CFAP46: variants seen among roughly 807,000 people sequenced by gnomAD.
CFAP46 encodes cilia and flagella associated protein 46.
In CFAP46, 245 loss-of-function variants were observed where a neutral mutation model predicts 325.7. The ratio of observed to expected loss-of-function variants is 0.75; its 90% CI spans 0.68 to 0.84. The LOEUF (loss-of-function observed/expected upper bound fraction) is 0.84, where lower values mean the gene tolerates loss of function less well. Among genes scored for constraint, CFAP46 ranks in the 40% least tolerant of loss-of-function variants. CFAP46 has a pLI of 0.00. For synonymous variants in CFAP46, 1,523 were observed against 1,495.9 expected (o/e 1.02, Z -0.42); for missense variants, 3,346 against 3,543.0 (o/e 0.94, Z 1.41).
intron 44 of CFAP46, among the ~76,000 whole-genome samples, chr10:132,839,209 G>A (rs181985532): frequency 2.0e-5 from 3 of 149,648 alleles, no homozygotes; most frequent in Admixed American, 1.3e-4. Flanking sequence ...TTTCAGCGCA[G>A]TCTGATTTGT....
chr10:132,842,506 T>C (rs1181792797), intron 44 of CFAP46, among the ~76,000 whole-genome samples: 1 of 152,194 alleles, frequency 6.6e-6, no homozygotes, highest in Non-Finnish European at 1.5e-5. Context: ...ACAGACATAC[T>C]GGGTTTTTAA....
chr10:132,929,616 G>C (rs201852019), intron 9 of CFAP46, 89 bp downstream of exon 9: 2 of 1,268,940 alleles, frequency 1.6e-6, no homozygotes, highest in African/African-American at 1.5e-5. Context: ...CCGTGGCCTG[G>C]TGAACTGCTC....
chr10:132,867,557 T>C, intron 33 of CFAP46, 50 bp from the exon 34 acceptor site: 1 of 1,538,630 alleles, frequency 6.5e-7, no homozygotes. Context: ...GCCACGAAAA[T>C]GTCCCTTCAC....
intron 8 of CFAP46, 97 bp from the exon 9 acceptor site, chr10:132,929,901 GAAATAAA>G (rs1849867228): frequency 8.5e-6 from 7 of 821,584 alleles, no homozygotes; most frequent in Non-Finnish European, 1.4e-5. Context: ...GCAGAAGCAG[GAAATAAA>G]GGTAGGATAA....
chr10:132,894,404 A>T (rs144383032), intron 24 of CFAP46, among the ~76,000 whole-genome samples: 50 of 152,304 alleles, frequency 3.3e-4, no homozygotes, highest in African/African-American at 1.1e-3. Flanking sequence ...TTAAAGAAGG[A>T]TCTCAACTCA....
chr10:132,888,366 CTG>C (rs1564791158), intron 25 of CFAP46, among the ~76,000 whole-genome samples: 2 of 116,778 alleles, frequency 1.7e-5, no homozygotes, highest in African/African-American at 3.4e-5. Context: ...CCGCCTGCAC[CTG>C]CCACCTTCAC....
intron 50 of CFAP46, among the ~76,000 whole-genome samples, chr10:132,822,561 GAT>G (rs1847887112): frequency 7.3e-6 from 1 of 136,744 alleles, no homozygotes; most frequent in Admixed American, 7.2e-5. Flanking sequence ...TGTGTGCGCT[GAT>G]GTGTGCTGTG....
At chr10:132,916,177 CTTCT>C (rs755660193) in intron 17 of CFAP46, among the ~76,000 whole-genome samples, 1 of 152,184 alleles carries the variant, frequency 6.6e-6, no homozygotes, top group Non-Finnish European at 1.5e-5. Context: ...GAAGCTGCTC[CTTCT>C]ATTTTCTGCC....
chr10:132,898,787 A>C, intron 24 of CFAP46, 172 bp downstream of exon 24: 1 of 848,108 alleles, frequency 1.2e-6, no homozygotes. Context: ...GGGCCCCCGC[A>C]GTGCTGGGAC....
chr10:132,898,632 G>A (rs1591079394), intron 24 of CFAP46: 1 of 392,912 alleles, frequency 2.5e-6, no homozygotes, highest in South Asian at 2.1e-5. Flanking sequence ...GGTGGGGCCT[G>A]TCCTCCCTGC....
At chr10:132,902,947 A>G (rs1849410654) in intron 22 of CFAP46, among the ~76,000 whole-genome samples, 1 of 145,934 alleles carries the variant, frequency 6.9e-6, no homozygotes, top group Admixed American at 6.8e-5. Context: ...CACAGCTCCA[A>G]CTTCTCTCAC....
At chr10:132,851,093 G>A (rs774031340) in intron 40 of CFAP46, 24 bp downstream of exon 40, 3 of 1,612,772 alleles carry the variant, frequency 1.9e-6, no homozygotes, top group Admixed American at 3.3e-5. Context: ...CCCTCCACCG[G>A]GAATCTGTGA....
intron 35 of CFAP46, among the ~76,000 whole-genome samples, chr10:132,862,752 G>T (rs1429497213): frequency 6.6e-6 from 1 of 151,284 alleles, no homozygotes; most frequent in Non-Finnish European, 1.5e-5. Flanking sequence ...GGGTGGAAGG[G>T]CAGAGCGCAC....
intron 43 of CFAP46, among the ~76,000 whole-genome samples, chr10:132,846,528 C>A (rs1178105067): frequency 1.3e-5 from 2 of 151,742 alleles, no homozygotes; most frequent in Non-Finnish European, 2.9e-5. Context: ...CGGACAGGGA[C>A]CTGCTGGCCT....
intron 4 of CFAP46, among the ~76,000 whole-genome samples, chr10:132,940,559 G>T (rs928518031): frequency 6.6e-6 from 1 of 152,114 alleles, no homozygotes; most frequent in Non-Finnish European, 1.5e-5. Context: ...TGCGCCCGGG[G>T]AGGCCCTGGA....
intron 47 of CFAP46, 97 bp downstream of exon 47, chr10:132,835,207 G>C: frequency 6.6e-7 from 1 of 1,508,256 alleles, no homozygotes; most frequent in Non-Finnish European, 8.9e-7. Flanking sequence ...GCCTGGCCTA[G>C]CGCCCCGCCC....
intron 54 of CFAP46, 139 bp downstream of exon 54, chr10:132,814,013 G>C (rs1216302324): frequency 3.0e-6 from 2 of 661,724 alleles, no homozygotes; most frequent in African/African-American, 3.6e-5. Context: ...AAGGAGCTGG[G>C]TCTGTCTCAG....
chr10:132,858,947 GGT>G, intron 38 of CFAP46, 122 bp downstream of exon 38: 1 of 951,194 alleles, frequency 1.1e-6, no homozygotes, highest in Non-Finnish European at 1.5e-6. Flanking sequence ...CCCAGGGGAG[GGT>G]CCTGTGGACC....
chr10:132,863,752 A>T (rs1848758012), intron 35 of CFAP46, among the ~76,000 whole-genome samples: 1 of 127,666 alleles, frequency 7.8e-6, no homozygotes, highest in Non-Finnish European at 1.6e-5. Context: ...AGCCCTGCAC[A>T]CACCTGTTCT....
Sources: gnomAD v4.1 joint callset for allele counts (sites outside exome capture counted in the v4.1 genomes callset) on GRCh38, gnomAD v4.1.1 for gene constraint, MANE v1.5 for transcripts, NCBI Gene and HGNC (gene_info 2026-07-23, HGNC 2026-07-21) for gene names.